The following LASP1 variants were observed in gnomAD, a reference collection of about 807,000 sequenced individuals.
LASP1 encodes LIM and SH3 protein 1.
A neutral mutation model predicts 38.6 loss-of-function variants in LASP1; 10 were observed. The ratio of observed to expected loss-of-function variants is 0.26; its 90% CI spans 0.16 to 0.44. The LOEUF is 0.44. Among genes scored for constraint, LASP1 ranks in the 20% least tolerant of loss-of-function variants. The probability of loss-of-function intolerance (pLI) is 1.00; values close to 1 mark genes in which losing one functional copy is unlikely to be tolerated. For missense variants in LASP1, 243 were observed against 375.7 expected (o/e 0.65, Z 2.92); for synonymous variants, 132 against 140.8 (o/e 0.94, Z 0.44).
rs139069227 is a variant in LASP1 at position 38,905,250 on chromosome 17, G to A, written c.357+6731G>A. ...TCTTAGAATGTGTGCTCCTTGGGCC[G>A]GGCCGTGGTGGTTCACACCTGTAAT... On this transcript the variant is annotated intron_variant, in intron 4 of 6. Coordinates refer to ENST00000318008, the MANE Select transcript of LASP1 (RefSeq NM_006148.4). 4.2e-3 allele frequency among the ~76,000 whole-genome samples: 633 copies of A among 152,078 alleles called. 9 individuals carry two copies. The highest frequency in any genetic ancestry group is 0.037 in the South Asian group (179 of 4,824).
At position 38,907,815 on chromosome 17, in the gene LASP1, T is replaced by C. The variant is rs111317543; in HGVS notation, c.358-6510T>C. ...CCCCAGCCCTTTATGGGAATACCCA[T>C]GTGTCCATACTTGCTTTCAGCTTAG... is the stretch of plus-strand genomic sequence containing the variant. On this transcript the variant is annotated intron_variant, in intron 4 of 6. Coordinates refer to ENST00000318008, the MANE Select transcript of LASP1 (RefSeq NM_006148.4). Among the ~76,000 whole-genome samples the C allele has an allele frequency of 1.6e-3, 244 of 152,328 alleles. 1 individual carries two copies. The highest frequency in any genetic ancestry group is 5.6e-3 in the African/African-American group (234 of 41,582).
chr17:38,873,381 C>G (rs1913665250), intron 1 of LASP1, among the ~76,000 whole-genome samples: 1 of 152,178 alleles, frequency 6.6e-6, no homozygotes, highest in Non-Finnish European at 1.5e-5. Flanking sequence ...AGCAGCCTCA[C>G]AAAGTAGGTG....
chr17:38,912,479 G>T (rs777294002), intron 4 of LASP1, among the ~76,000 whole-genome samples: 85 of 150,478 alleles, frequency 5.6e-4, no homozygotes, highest in Middle Eastern at 3.4e-3. Context: ...CCAGGGTGCC[G>T]CAGGATCTGG....
intron 2 of LASP1, 75 bp from the exon 3 acceptor site, chr17:38,890,345 C>T (rs1914272518): frequency 7.2e-7 from 1 of 1,380,102 alleles, no homozygotes; most frequent in Non-Finnish European, 1.0e-6. Flanking sequence ...CCCAGGAGGG[C>T]ATGCTCTGTG....
At position 38,919,011 on chromosome 17, in the gene LASP1, C is replaced by T. The variant is rs1006563662; in HGVS notation, c.*233C>T. 4.9e-5 allele frequency: 29 copies of T among 586,090 alleles called. No homozygotes were observed. The Admixed American group carries it at 5.0e-4, about 10-fold the overall frequency. The allele number at this position is 586,090 out of a possible 1,614,324, so 36.3% of individuals were successfully genotyped here. On this transcript the variant is annotated 3_prime_UTR_variant, in exon 7 of 7. Transcript: ENST00000318008. ...TTCTTGGTTTTCTCTCTGGATGGAACGGGCATGGGCCTCTCTGGGGGAGGC... is the reference window on the plus strand; with the variant it reads ...TTCTTGGTTTTCTCTCTGGATGGAATGGGCATGGGCCTCTCTGGGGGAGGC...
intron 1 of LASP1, among the ~76,000 whole-genome samples, chr17:38,874,600 C>T (rs1278268010): frequency 2.0e-5 from 3 of 152,166 alleles, no homozygotes; most frequent in African/African-American, 7.2e-5. Flanking sequence ...GTGGAACGGC[C>T]TCCTCTCCTG....
At position 38,890,452 on chromosome 17, in the gene LASP1, C is replaced by T. The variant is rs1914277507; in HGVS notation, c.197C>T (p.Ala66Val). The stretch of plus-strand genomic sequence containing the variant: ...CCCAAGCAGTCCTTCACCATGGTGG[C>T]GGACACCCCGGAAAACCTTCGCCTC... ...HYPKQSFTMVADTPENLRLKQ... is the reference protein window; with the variant it reads ...HYPKQSFTMVVDTPENLRLKQ... The change falls in exon 3 of 7, where the codon GCG becomes GTG. Residue 66 changes from alanine to valine, a missense_variant. Coordinates refer to ENST00000318008, the MANE Select transcript of LASP1 (RefSeq NM_006148.4). 1.2e-6 allele frequency: 2 copies of T among 1,614,008 alleles called. No homozygotes were observed. The highest frequency in any genetic ancestry group is 1.7e-6 in the Non-Finnish European group (2 of 1,179,978).
intron 4 of LASP1, 66 bp downstream of exon 4, chr17:38,898,585 G>A: frequency 8.2e-7 from 1 of 1,219,364 alleles, no homozygotes; most frequent in Non-Finnish European, 1.2e-6. Context: ...CTGCCAGCCT[G>A]GCAGACGCAA....
intron 2 of LASP1, among the ~76,000 whole-genome samples, chr17:38,881,366 T>G (rs1188555276): frequency 1.3e-5 from 2 of 152,048 alleles, no homozygotes; most frequent in Non-Finnish European, 2.9e-5. Flanking sequence ...AGCCTCCACC[T>G]CCTGGGTTTA....
Position 38,893,771 on chromosome 17 carries a change from G to A in LASP1, c.249+3267G>A, listed in dbSNP as rs549015095. ...CTTTGAGGCTTGGAAGGGCTGAGCCGGCCAGGCTGGAGCAGTGACGGGTTC... is the reference window on the plus strand; with the variant it reads ...CTTTGAGGCTTGGAAGGGCTGAGCCAGCCAGGCTGGAGCAGTGACGGGTTC... On this transcript the variant is annotated intron_variant, in intron 3 of 6. Coordinates refer to ENST00000318008, the MANE Select transcript of LASP1 (RefSeq NM_006148.4). 8.5e-5 allele frequency among the ~76,000 whole-genome samples: 13 copies of A among 152,314 alleles called. No individual in the cohort carries two copies. In the East Asian group the frequency reaches 1.5e-3, roughly 18 times the overall value.
intron 1 of LASP1, among the ~76,000 whole-genome samples, chr17:38,870,855 T>C (rs1315243994): frequency 6.6e-6 from 1 of 152,178 alleles, no homozygotes; most frequent in African/African-American, 2.4e-5. Context: ...TTGAACGACC[T>C]GCACCCCCTT....
At chr17:38,907,352 A>G (rs1266337467) in intron 4 of LASP1, among the ~76,000 whole-genome samples, 2 of 152,160 alleles carry the variant, frequency 1.3e-5, no homozygotes, top group East Asian at 3.9e-4. Context: ...AAAGGGGTGC[A>G]TTGAAATTTA....
intron 5 of LASP1, 77 bp from the exon 6 acceptor site, chr17:38,914,960 CATGGTA>C: frequency 7.8e-7 from 1 of 1,285,768 alleles, no homozygotes; most frequent in Non-Finnish European, 1.1e-6. Flanking sequence ...GGTGGAAGTG[CATGGTA>C]TGGACTTCTC....
chr17:38,900,322 G>T (rs1914606752), intron 4 of LASP1, among the ~76,000 whole-genome samples: 1 of 145,784 alleles, frequency 6.9e-6, no homozygotes, highest in Non-Finnish European at 1.5e-5. Context: ...TGAGGTTATA[G>T]TGAGCCGTAA....
intron 1 of LASP1, among the ~76,000 whole-genome samples, chr17:38,873,103 C>A (rs1386986429): frequency 6.6e-6 from 1 of 152,150 alleles, no homozygotes; most frequent in Non-Finnish European, 1.5e-5. Context: ...CTCGCCACGT[C>A]CCTCTTTCCT....
intron 2 of LASP1, among the ~76,000 whole-genome samples, chr17:38,884,239 G>A (rs1477261946): frequency 6.6e-6 from 1 of 151,908 alleles, no homozygotes; most frequent in Non-Finnish European, 1.5e-5. Flanking sequence ...TGAGGCTGGT[G>A]GCTGACAAGC....
Position 38,915,029 on chromosome 17 carries a change from C to G in LASP1, c.509-14C>G, listed in dbSNP as rs377154506. ...CAGGACAGTTTCCAAGCCCTGTCTC[C>G]TCCCATCTTCCAGTTTACCAGCAGC... On this transcript the variant is annotated splice_polypyrimidine_tract_variant and intron_variant, in intron 5 of 6. Coordinates refer to ENST00000318008, the MANE Select transcript of LASP1 (RefSeq NM_006148.4). 1,904 of 1,613,088 alleles carry G rather than the reference C, an allele frequency of 1.2e-3. 1 individual carries two copies. Among genetic ancestry groups the G allele is most frequent in the Non-Finnish European group, 1.5e-3 (1,780 of 1,179,298 alleles).
At chr17:38,912,260 A>G (rs1914974491) in intron 4 of LASP1, among the ~76,000 whole-genome samples, 1 of 152,236 alleles carries the variant, frequency 6.6e-6, no homozygotes, top group Admixed American at 6.5e-5. Context: ...GTGGGGCTAG[A>G]GCAGCTGGAT....
Position 38,875,056 on chromosome 17 carries a change from C to CGTGTGTGTGTGTGTGTGTGTGT in LASP1, c.70-3018_70-2997dup, listed in dbSNP as rs3220064. On this transcript the variant is annotated intron_variant, in intron 1 of 6. Coordinates refer to ENST00000318008, the MANE Select transcript of LASP1 (RefSeq NM_006148.4). ...GGTCCTAGGACAGTGTGTAGCCCTT[C>CGTGTGTGTGTGTGTGTGTGTGT]GTGTGTGTGTGTGTGTGTGTGTGTG... 4.6e-3 allele frequency among the ~76,000 whole-genome samples: 640 copies of CGTGTGTGTGTGTGTGTGTGTGT among 140,384 alleles called. 9 individuals carry two copies. The highest frequency in any genetic ancestry group is 0.016 in the East Asian group (71 of 4,544). The allele number at this position is 140,384 out of a possible 152,430, so 92.1% of individuals were successfully genotyped here. A position where few individuals can be genotyped will look rare whatever the true frequency, so the allele number is the denominator to read the frequency against.
Sources: allele counts gnomAD v4.1 joint callset (sites outside exome capture counted in the v4.1 genomes callset), GRCh38; gene constraint gnomAD v4.1.1; transcripts MANE v1.5; gene names NCBI Gene and HGNC (gene_info 2026-07-23, HGNC 2026-07-21).